Variants in DNAH10 observed in about 807,000 individuals in gnomAD.
The protein encoded by DNAH10 is axonemal beta dynein heavy chain 10.
Under a neutral mutation model 506.6 loss-of-function variants are expected in DNAH10, and 348 were observed. That is an observed-to-expected ratio of 0.69 (90% CI 0.63 to 0.75). The LOEUF (loss-of-function observed/expected upper bound fraction) is 0.75. DNAH10 is among the 30% of genes least tolerant of loss of function. The pLI is 0.00. For missense variants in DNAH10, 5,179 were observed against 5,787.1 expected, an observed-to-expected ratio of 0.89 and a Z score of 3.41; for synonymous variants, 2,059 against 2,198.6, an observed-to-expected ratio of 0.94 and a Z score of 1.78.
intron 52 of DNAH10, among the ~76,000 whole-genome samples, chr12:123,889,431 G>A (rs1212809474): frequency 6.6e-6 from 1 of 152,160 alleles, no homozygotes; most frequent in Non-Finnish European, 1.5e-5. Context: ...ATTCCACAGT[G>A]TTTATTCCAG....
intron 59 of DNAH10, among the ~76,000 whole-genome samples, chr12:123,912,559 G>C (rs926040516): frequency 6.6e-6 from 1 of 151,732 alleles, no homozygotes. Flanking sequence ...CTGGATGCCA[G>C]CAGCACCCTC....
At position 123,914,066 on chromosome 12, in the gene DNAH10, G is replaced by A. The variant is rs140202720; in HGVS notation, c.10353-263G>A. Reference sequence around the variant, plus strand: ...GTGATTACTACTTAATATGATCCACGCAATGTGATTACTGCTTAATAAAGA... The same window carrying A: ...GTGATTACTACTTAATATGATCCACACAATGTGATTACTGCTTAATAAAGA... On this transcript the variant is annotated intron_variant, in intron 60 of 78. Transcript: ENST00000673944. 1.9e-3 allele frequency among the ~76,000 whole-genome samples: 285 copies of A among 152,292 alleles called. 3 individuals are homozygous for A. Among genetic ancestry groups the A allele is most frequent in the African/African-American group, 6.4e-3 (266 of 41,554 alleles).
chr12:123,934,476 T>C, intron 77 of DNAH10, 145 bp from the exon 78 acceptor site: 1 of 1,001,692 alleles, frequency 1.0e-6, no homozygotes, highest in Non-Finnish European at 1.5e-6. Flanking sequence ...ACAGAAATGC[T>C]GGAGAAGGGC....
intron 37 of DNAH10, 121 bp from the exon 38 acceptor site, chr12:123,859,029 T>C: frequency 3.3e-6 from 3 of 920,024 alleles, no homozygotes; most frequent in African/African-American, 3.4e-5. Context: ...GTGAATATAC[T>C]GGAAACCATT....
rs1259760925 is a variant in DNAH10 at position 123,853,855 on chromosome 12, CACGCGCACACACACACGG to C, written c.6438+505_6438+522del. 7.5e-6 allele frequency among the ~76,000 whole-genome samples: 1 copy of C among 133,716 alleles called. No individual in the cohort carries two copies. The allele number at this position is 133,716 out of a possible 152,430, so 87.7% of individuals were successfully genotyped here. A position where few individuals can be genotyped will look rare whatever the true frequency, so the allele number is the denominator to read the frequency against. ...ACACACGCACACGCACGGACACACG[CACGCGCACACACACACGG>C]ATACATGCACGCGCACACACGTACG... On this transcript the variant is annotated intron_variant, in intron 36 of 78. Coordinates refer to ENST00000673944, the MANE Select transcript of DNAH10 (RefSeq NM_001372106.1). This position sits in a 1 kb window ranked among gnomAD's most constrained non-coding sequence, Gnocchi z 4.7.
At chr12:123,771,726 T>G (rs551808712) in intron 3 of DNAH10, 28 bp downstream of exon 3, 7 of 1,557,518 alleles carry the variant, frequency 4.5e-6, no homozygotes, top group Non-Finnish European at 6.1e-6. Context: ...TCCTTGTTGG[T>G]GGGGTAATGG....
chr12:123,806,662 T>C (rs919503062), intron 18 of DNAH10, among the ~76,000 whole-genome samples: 1 of 152,200 alleles, frequency 6.6e-6, no homozygotes, highest in Non-Finnish European at 1.5e-5. Context: ...TAACTCTGTT[T>C]TCTGTGTATT....
chr12:123,890,020 C>T (rs1040650477), intron 52 of DNAH10, among the ~76,000 whole-genome samples: 13 of 152,170 alleles, frequency 8.5e-5, no homozygotes, highest in East Asian at 1.9e-4. Flanking sequence ...TGAGAGCACG[C>T]GCTCCATCCC....
intron 46 of DNAH10, among the ~76,000 whole-genome samples, chr12:123,874,261 GTCCGTCCATCCATCCA>G (rs1952150465): frequency 3.2e-5 from 4 of 123,198 alleles, no homozygotes; most frequent in African/African-American, 1.3e-4. Context: ...GCCAGAGTCC[GTCCGTCCATCCATCCA>G]TCCATCCATC....
chr12:123,837,714 G>A (rs1252315516), intron 28 of DNAH10, among the ~76,000 whole-genome samples: 3 of 148,082 alleles, frequency 2.0e-5, no homozygotes. Context: ...AGCTGGGACT[G>A]CAGGTATGCA....
chr12:123,807,549 C>T (rs868801625), intron 18 of DNAH10, among the ~76,000 whole-genome samples: 1 of 151,996 alleles, frequency 6.6e-6, no homozygotes, highest in African/African-American at 2.4e-5. Flanking sequence ...TGAAGACCCA[C>T]AGGTGGGCCT....
chr12:123,878,869 C>T (rs765323877), intron 48 of DNAH10, among the ~76,000 whole-genome samples: 1 of 151,920 alleles, frequency 6.6e-6, no homozygotes, highest in Non-Finnish European at 1.5e-5. Context: ...AATGCACCAG[C>T]CTGGGTAACA....
chr12:123,806,950 A>T (rs1594074675), intron 18 of DNAH10, among the ~76,000 whole-genome samples: 2 of 152,046 alleles, frequency 1.3e-5, no homozygotes, highest in East Asian at 1.9e-4. Context: ...TTGTATTTTT[A>T]GTAGAGACGG....
rs933488723 is a variant in DNAH10 at position 123,783,845 on chromosome 12, T to C, written c.1000-102T>C. 11 of 1,067,778 alleles carry C rather than the reference T, an allele frequency of 1.0e-5. No homozygotes were observed. The Admixed American group carries it at 1.9e-4, about 19-fold the overall frequency. The allele number at this position is 1,067,778 out of a possible 1,614,324, so 66.1% of individuals were successfully genotyped here. A position where few individuals can be genotyped will look rare whatever the true frequency, so the allele number is the denominator to read the frequency against. On this transcript the variant is annotated intron_variant, in intron 7 of 78. Transcript: ENST00000673944. The stretch of plus-strand genomic sequence containing the variant: ...GCCCACCCCTGAAGACCCTGAAGGA[T>C]TGGAGCAGTTGGACAGAAAGAACGG...
intron 7 of DNAH10, 54 bp from the exon 8 acceptor site, chr12:123,783,893 T>G: frequency 6.7e-7 from 1 of 1,500,778 alleles, no homozygotes; most frequent in Non-Finnish European, 9.2e-7. Flanking sequence ...CCACCATAAG[T>G]GTCTGCTCCA....
At chr12:123,906,511 G>T (rs903544769) in intron 57 of DNAH10, among the ~76,000 whole-genome samples, 1 of 152,112 alleles carries the variant, frequency 6.6e-6, no homozygotes, top group African/African-American at 2.4e-5. Flanking sequence ...CAAAGTGTTG[G>T]GATTACAGGC....
At position 123,841,872 on chromosome 12, in the gene DNAH10, G is replaced by A. The variant is rs1950787511; in HGVS notation, c.5360+327G>A. Among the ~76,000 whole-genome samples, 3 of 152,152 alleles carry A rather than the reference G, an allele frequency of 2.0e-5. No homozygotes were observed. In the South Asian group the frequency reaches 6.2e-4, roughly 32 times the overall value. On this transcript the variant is annotated intron_variant, in intron 30 of 78. Transcript: ENST00000673944. Reference sequence around the variant, plus strand: ...GGCTAATTTTGTACTTTTTTGTAGAGAGGGAGTCTCACTGTGTTGCCCAGG... The same window carrying A: ...GGCTAATTTTGTACTTTTTTGTAGAAAGGGAGTCTCACTGTGTTGCCCAGG...
intron 46 of DNAH10, among the ~76,000 whole-genome samples, chr12:123,874,354 T>C (rs1402745727): frequency 6.6e-6 from 1 of 151,356 alleles, no homozygotes; most frequent in African/African-American, 2.4e-5. Flanking sequence ...CATCCATCCA[T>C]GTGTCTGTTT....
chr12:123,801,524 T>C (rs1958482698), intron 16 of DNAH10, 92 bp downstream of exon 16: 4 of 1,464,504 alleles, frequency 2.7e-6, no homozygotes, highest in Admixed American at 4.4e-5. Context: ...TTTCATATGT[T>C]TATAGAGACA....
Sources: allele counts gnomAD v4.1 joint callset (sites outside exome capture counted in the v4.1 genomes callset), GRCh38; gene constraint gnomAD v4.1.1; non-coding constraint Gnocchi (gnomAD v3.1); transcripts MANE v1.5; gene names NCBI Gene and HGNC (gene_info 2026-07-23, HGNC 2026-07-21).